Variants in DRC4 observed in about 807,000 individuals in gnomAD.
DRC4 encodes the protein GAS-11.
At chr16:90,042,316 T>C in the DRC4 span, 1 of 681,996 alleles carries the variant, frequency 1.5e-6, no homozygotes, top group Non-Finnish European at 2.7e-6. Context: ...CTTGGAGACC[T>C]TTTTCTGCTG....
At chr16:90,032,618 GT>G in the DRC4 span, 2 of 1,033,112 alleles carry the variant, frequency 1.9e-6, no homozygotes, top group Non-Finnish European at 3.0e-6. Context: ...AGGTGAGGAG[GT>G]GTGGTACAGG....
the DRC4 span, chr16:90,020,059 G>T: frequency 2.9e-6 from 2 of 680,142 alleles, no homozygotes; most frequent in Non-Finnish European, 5.4e-6. Context: ...GCGATTGCCA[G>T]CTCCTGGCCT....
At chr16:90,023,704 G>A in the DRC4 span, among the ~76,000 whole-genome samples, 268 of 149,586 alleles carry the variant, frequency 1.8e-3, 7 homozygotes, top group African/African-American at 6.2e-3. Context: ...TACCAAACTA[G>A]GCCAGGAGTC....
At chr16:90,019,873 C>T in the DRC4 span, 1 of 683,014 alleles carries the variant, frequency 1.5e-6, no homozygotes, top group Non-Finnish European at 2.7e-6. The surrounding 1 kb of genome is among the most constrained non-coding windows in gnomAD (Gnocchi z 6.1). Context: ...TCACAGAGCG[C>T]CCTGGATGGC....
the DRC4 span, chr16:90,019,733 G>A: frequency 1.5e-6 from 1 of 655,626 alleles, no homozygotes; most frequent in Non-Finnish European, 2.7e-6. This position sits in a 1 kb window ranked among gnomAD's most constrained non-coding sequence, Gnocchi z 6.1. Flanking sequence ...CTCACTTGGC[G>A]GCCGCGCCCG....
At chr16:90,040,496 C>G in the DRC4 span, 1 of 1,601,920 alleles carries the variant, frequency 6.2e-7, no homozygotes, top group Non-Finnish European at 8.5e-7. Context: ...ACGCTGGTGT[C>G]CCGCAAGCTG....
chr16:90,032,626 C>T, the DRC4 span: 1,801 of 1,144,730 alleles, frequency 1.6e-3, 12 homozygotes, highest in Admixed American at 0.01. Flanking sequence ...AGGTGTGGTA[C>T]AGGTGTGCTA....
chr16:90,026,859 A>G, the DRC4 span, among the ~76,000 whole-genome samples: 2 of 151,144 alleles, frequency 1.3e-5, no homozygotes, highest in Admixed American at 6.6e-5. Context: ...CCGTATACCA[A>G]GGAATGAGTG....
chr16:90,022,672 G>C, the DRC4 span: 1 of 1,420,114 alleles, frequency 7.0e-7, no homozygotes, highest in Non-Finnish European at 9.3e-7. Flanking sequence ...TGGCTTCCGG[G>C]GGCGGGCGCC....
chr16:90,032,695 A>G, the DRC4 span: 985 of 1,610,442 alleles, frequency 6.1e-4, 12 homozygotes, highest in South Asian at 9.8e-3. Flanking sequence ...AGGTGAGCAG[A>G]TGGTACTCCC....
the DRC4 span, chr16:90,036,920 A>G: frequency 1.8e-6 from 1 of 553,918 alleles, no homozygotes; most frequent in Non-Finnish European, 3.2e-6. Context: ...ACTGCCTGCG[A>G]CAGGTGGATA....
the DRC4 span, chr16:90,044,160 C>T: frequency 6.0e-3 from 2,730 of 455,338 alleles, 63 homozygotes; most frequent in African/African-American, 0.048. Context: ...TCAGGCGCTT[C>T]TGCGGCGGCT....
the DRC4 span, chr16:90,037,937 G>C: frequency 1.7e-6 from 2 of 1,203,756 alleles, no homozygotes; most frequent in Admixed American, 3.4e-5. Flanking sequence ...GCACTAGGCT[G>C]GCCCTGCAGT....
At chr16:90,037,512 G>A in the DRC4 span, 2 of 1,238,014 alleles carry the variant, frequency 1.6e-6, no homozygotes, top group Non-Finnish European at 2.2e-6. Flanking sequence ...GAGACGGGGA[G>A]GCCTGCATTT....
the DRC4 span, among the ~76,000 whole-genome samples, chr16:90,026,467 G>C: frequency 6.6e-6 from 1 of 152,138 alleles, no homozygotes; most frequent in Non-Finnish European, 1.5e-5. Flanking sequence ...TGAAAGAAAG[G>C]AAACTTGTGG....
chr16:90,024,827 A>G, the DRC4 span, among the ~76,000 whole-genome samples: 1 of 152,078 alleles, frequency 6.6e-6, no homozygotes, highest in Admixed American at 6.6e-5. Flanking sequence ...AAACAAAAAC[A>G]AAAAACAAAA....
chr16:90,037,016 C>T, the DRC4 span: 3 of 594,916 alleles, frequency 5.0e-6, no homozygotes, highest in South Asian at 6.2e-5. Context: ...AAAGTATAGT[C>T]CTTCAGTCTG....
chr16:90,021,834 C>T, the DRC4 span, among the ~76,000 whole-genome samples: 9 of 125,506 alleles, frequency 7.2e-5, no homozygotes, highest in African/African-American at 1.8e-4. Flanking sequence ...ACAGCCTAGG[C>T]GACAGAAGGA....
At chr16:90,039,716 C>A in the DRC4 span, 1 of 165,328 alleles carries the variant, frequency 6.0e-6, no homozygotes. Flanking sequence ...TAGTCTTCAA[C>A]AAAGTCTAGA....
Sources: gnomAD v4.1 joint callset for allele counts (sites outside exome capture counted in the v4.1 genomes callset) on GRCh38, gnomAD v4.1.1 for gene constraint, Gnocchi (gnomAD v3.1) non-coding constraint, MANE v1.5 for transcripts, NCBI Gene and HGNC (gene_info 2026-07-23, HGNC 2026-07-21) for gene names.